The following ADGRL3 variants were observed in gnomAD, a reference collection of about 807,000 sequenced individuals.
ADGRL3 encodes calcium-independent alpha-latrotoxin receptor 3.
A neutral mutation model predicts 153.5 loss-of-function variants in ADGRL3; 62 were observed. That is an observed-to-expected ratio of 0.40 (90% CI 0.33 to 0.50). ADGRL3 has a LOEUF of 0.50. ADGRL3 is among the 20% of genes least tolerant of loss of function. The pLI is 0.47. For missense variants in ADGRL3, 1,641 were observed against 1,859.4 expected, an observed-to-expected ratio of 0.88 and a Z score of 2.16; for synonymous variants, 710 against 672.5, an observed-to-expected ratio of 1.06 and a Z score of -0.86.
intron 3 of ADGRL3, among the ~76,000 whole-genome samples, chr4:61,505,231 G>T (rs1457553471): frequency 6.6e-6 from 1 of 152,062 alleles, no homozygotes; most frequent in South Asian, 2.1e-4. Flanking sequence ...TTTACCCGTT[G>T]ATCATTTGCA....
chr4:61,634,684 G>C (rs1005120980), intron 5 of ADGRL3, among the ~76,000 whole-genome samples: 3 of 152,126 alleles, frequency 2.0e-5, no homozygotes, highest in Non-Finnish European at 4.4e-5. Context: ...ATGGGCTGCT[G>C]TTTTTATTTA....
At chr4:61,560,588 G>GA (rs1282360233) in intron 4 of ADGRL3, among the ~76,000 whole-genome samples, 1 of 152,078 alleles carries the variant, frequency 6.6e-6, no homozygotes, top group Non-Finnish European at 1.5e-5. Context: ...CAGGGATGGA[G>GA]AAACACAGTC....
chr4:62,016,689 A>T (rs1176374169), intron 21 of ADGRL3, among the ~76,000 whole-genome samples: 1 of 152,186 alleles, frequency 6.6e-6, no homozygotes, highest in Non-Finnish European at 1.5e-5. Flanking sequence ...TTATTTCTTC[A>T]CATAAATTTC....
intron 6 of ADGRL3, among the ~76,000 whole-genome samples, chr4:61,701,645 C>A (rs1358098258): frequency 6.6e-6 from 1 of 151,668 alleles, no homozygotes; most frequent in East Asian, 1.9e-4. Flanking sequence ...CTATGTTGGC[C>A]AGGCTGGTCT....
chr4:61,742,254 A>G (rs868612738), intron 8 of ADGRL3, among the ~76,000 whole-genome samples: 17 of 151,980 alleles, frequency 1.1e-4, no homozygotes, highest in African/African-American at 3.6e-4. Flanking sequence ...ACCTTTTATT[A>G]TTATTATTCT....
rs111809176 is a variant in ADGRL3 at position 61,500,394 on chromosome 4, C to G, written c.55+3046C>G. On this transcript the variant is annotated intron_variant, in intron 3 of 26. Transcript: ENST00000683033. Reference sequence around the variant, plus strand: ...TGTGAATGAAGGGCTTTATAAGCAGCCTTTTGGAACCTAACTTGCTCATAA... The same window carrying G: ...TGTGAATGAAGGGCTTTATAAGCAGGCTTTTGGAACCTAACTTGCTCATAA... Among the ~76,000 whole-genome samples the G allele has an allele frequency of 2.2e-3, 342 of 152,172 alleles. 1 individual carries two copies. Among genetic ancestry groups the G allele is most frequent in the African/African-American group, 8.0e-3 (332 of 41,508 alleles).
intron 26 of ADGRL3, 25 bp from the exon 27 acceptor site, chr4:62,070,084 C>T (rs988675704): frequency 6.3e-7 from 1 of 1,585,884 alleles, no homozygotes; most frequent in African/African-American, 1.4e-5. Context: ...ATATAAATGT[C>T]ATAGTATCTT....
intron 2 of ADGRL3, among the ~76,000 whole-genome samples, chr4:61,494,343 T>C (rs2098289789): frequency 2.0e-5 from 3 of 152,156 alleles, no homozygotes; most frequent in Admixed American, 1.3e-4. Context: ...CTTTTGACTC[T>C]CGTATACTCC....
intron 1 of ADGRL3, among the ~76,000 whole-genome samples, chr4:61,361,226 T>G (rs1372378965): frequency 2.6e-5 from 4 of 152,150 alleles, no homozygotes; most frequent in African/African-American, 4.8e-5. Flanking sequence ...ATTTATAAAG[T>G]GGGTTTAATA....
At chr4:61,879,183 T>C (rs2149465611) in intron 9 of ADGRL3, among the ~76,000 whole-genome samples, 1 of 152,352 alleles carries the variant, frequency 6.6e-6, no homozygotes, top group Non-Finnish European at 1.5e-5. Context: ...AATAACATTA[T>C]GTGTTACTGA....
At chr4:62,050,039 C>A (rs975071740) in intron 25 of ADGRL3, among the ~76,000 whole-genome samples, 6 of 151,958 alleles carry the variant, frequency 3.9e-5, no homozygotes, top group South Asian at 2.1e-4. Context: ...GATATTAAAA[C>A]CCATCATTCA....
intron 21 of ADGRL3, among the ~76,000 whole-genome samples, chr4:62,005,579 C>T (rs1348240030): frequency 1.3e-5 from 2 of 152,042 alleles, no homozygotes; most frequent in Non-Finnish European, 2.9e-5. Flanking sequence ...TAAAAATTAG[C>T]AGGTTCTCTG....
At chr4:61,353,600 A>ATTTTTTTTTTTTTTT (rs34199193) in intron 1 of ADGRL3, among the ~76,000 whole-genome samples, 2 of 118,840 alleles carry the variant, frequency 1.7e-5, no homozygotes, top group Non-Finnish European at 1.6e-5. Flanking sequence ...TTTTCTTTCA[A>ATTTTTTTTTTTTTTT]TTTTTTTTTT....
chr4:62,021,689 A>G (rs532519916), intron 21 of ADGRL3, among the ~76,000 whole-genome samples: 24 of 152,240 alleles, frequency 1.6e-4, no homozygotes, highest in South Asian at 4.1e-4. Flanking sequence ...TTCTCACAAT[A>G]TATCAAACTT....
chr4:61,290,318 T>C (rs766232494), intron 1 of ADGRL3, among the ~76,000 whole-genome samples: 52 of 152,174 alleles, frequency 3.4e-4, no homozygotes, highest in Non-Finnish European at 6.0e-4. Context: ...GAACATATGG[T>C]TAGGTTGATT....
At chr4:61,564,579 G>C (rs567733619) in intron 4 of ADGRL3, among the ~76,000 whole-genome samples, 1 of 152,280 alleles carries the variant, frequency 6.6e-6, no homozygotes, top group Admixed American at 6.5e-5. Flanking sequence ...GGCCCATTTT[G>C]CTTTCTTACC....
intron 1 of ADGRL3, among the ~76,000 whole-genome samples, chr4:61,339,992 G>C (rs915403436): frequency 6.6e-6 from 1 of 152,166 alleles, no homozygotes; most frequent in African/African-American, 2.4e-5. Flanking sequence ...TCCCTGTTCA[G>C]GATAAATCCT....
At chr4:61,859,518 C>T (rs1415944978) in intron 9 of ADGRL3, among the ~76,000 whole-genome samples, 1 of 152,096 alleles carries the variant, frequency 6.6e-6, no homozygotes, top group Non-Finnish European at 1.5e-5. Flanking sequence ...AGCTCCTAAT[C>T]ATTAGGTAGG....
chr4:61,860,013 C>G (rs1435077258), intron 9 of ADGRL3, among the ~76,000 whole-genome samples: 1 of 152,032 alleles, frequency 6.6e-6, no homozygotes, highest in South Asian at 2.1e-4. Context: ...AAATAAAAAT[C>G]CTTATACTCA....
Sources: gnomAD v4.1 joint callset for allele counts (sites outside exome capture counted in the v4.1 genomes callset) on GRCh38, gnomAD v4.1.1 for gene constraint, MANE v1.5 for transcripts, NCBI Gene and HGNC (gene_info 2026-07-23, HGNC 2026-07-21) for gene names.